Variants in THSD7B observed in about 807,000 individuals in gnomAD.
THSD7B encodes the protein thrombospondin type 1 domain containing 7B.
Under a neutral mutation model 213.6 loss-of-function variants are expected in THSD7B, and 138 were observed. That is an observed-to-expected ratio of 0.65 (90% CI 0.56 to 0.74). The LOEUF is 0.74. Among genes scored for constraint, THSD7B ranks in the 30% least tolerant of loss-of-function variants. The pLI is 0.00. For missense variants in THSD7B, 1,931 were observed against 1,991.5 expected (o/e 0.97, Z 0.58); for synonymous variants, 742 against 687.0 (o/e 1.08, Z -1.25).
rs557725553 is a variant in THSD7B, at chr2:136,960,830, C to T, written c.139+78513C>T. ...CTGGGCCGGGCGCAGTGGCTCAGGC[C>T]TGTAATCCCAGCTCTTAGGGAGGCC... On this transcript the variant is annotated intron_variant, in intron 2 of 27. Coordinates refer to ENST00000409968, the MANE Select transcript of THSD7B (RefSeq NM_001316349.2). Among the ~76,000 whole-genome samples the T allele has an allele frequency of 4.5e-3, 677 of 151,306 alleles. 2 individuals carry two copies. The highest frequency in any genetic ancestry group is 0.013 in the South Asian group (62 of 4,772).
intron 16 of THSD7B, among the ~76,000 whole-genome samples, chr2:137,564,321 T>A (rs931048314): frequency 6.6e-6 from 1 of 152,170 alleles, no homozygotes; most frequent in African/African-American, 2.4e-5. Flanking sequence ...TACTCACTAT[T>A]TATGACAGTC....
chr2:137,055,268 A>G (rs1428750178), intron 2 of THSD7B, among the ~76,000 whole-genome samples: 2 of 152,144 alleles, frequency 1.3e-5, no homozygotes, highest in African/African-American at 4.8e-5. Flanking sequence ...TTATAGTAGA[A>G]TGATTTATAA....
rs550212977 is a variant in THSD7B, at chr2:137,546,124, A to T, written c.3139-17097A>T. Among the ~76,000 whole-genome samples, 15 of 150,296 alleles carry T rather than the reference A, an allele frequency of 1.0e-4. No homozygotes were observed. The East Asian group carries it at 3.0e-3, about 30-fold the overall frequency. The stretch of plus-strand genomic sequence containing the variant: ...GAAATATAAGAAAGACTCTAAATTC[A>T]TTGAGATTTTTACTCTCCAGAACGA... On this transcript the variant is annotated intron_variant, in intron 15 of 27. Transcript: ENST00000409968.
At chr2:137,620,951 G>C (rs1180664489) in intron 20 of THSD7B, among the ~76,000 whole-genome samples, 1 of 152,184 alleles carries the variant, frequency 6.6e-6, no homozygotes, top group Non-Finnish European at 1.5e-5. Context: ...AGAGGCTGAT[G>C]AAACTGTGGG....
intron 17 of THSD7B, among the ~76,000 whole-genome samples, chr2:137,585,482 A>T (rs969909430): frequency 1.3e-5 from 2 of 151,976 alleles, no homozygotes; most frequent in African/African-American, 4.8e-5. Flanking sequence ...ATTTAGTGCT[A>T]TATATTTCCC....
At chr2:137,574,795 G>A (rs4954379) in intron 17 of THSD7B, among the ~76,000 whole-genome samples, 80,391 of 151,908 alleles carry the variant, frequency 0.53, 21,853 homozygotes, top group South Asian at 0.65. Context: ...GACAATCCCA[G>A]TCAGTATTGG....
At chr2:137,668,614 C>T (rs1003731567) in intron 27 of THSD7B, among the ~76,000 whole-genome samples, 2 of 152,034 alleles carry the variant, frequency 1.3e-5, no homozygotes, top group Non-Finnish European at 2.9e-5. Flanking sequence ...GACTGGGGTG[C>T]CTACTCCCCA....
At chr2:136,937,865 T>A (rs1684760790) in intron 2 of THSD7B, among the ~76,000 whole-genome samples, 1 of 152,188 alleles carries the variant, frequency 6.6e-6, no homozygotes, top group Admixed American at 6.6e-5. Context: ...AGTAGAGCAG[T>A]TGCTTGATTT....
intron 1 of THSD7B, among the ~76,000 whole-genome samples, chr2:136,826,435 T>A (rs775102689): frequency 8.1e-4 from 124 of 152,244 alleles, no homozygotes; most frequent in Admixed American, 3.9e-4. Flanking sequence ...CTTGTTCATT[T>A]GTTGATTGTT....
At chr2:137,515,582 G>A (rs1680052370) in intron 15 of THSD7B, among the ~76,000 whole-genome samples, 1 of 152,152 alleles carries the variant, frequency 6.6e-6, no homozygotes, top group Admixed American at 6.5e-5. Context: ...AACAGGAATG[G>A]GAATGGATAT....
intron 2 of THSD7B, among the ~76,000 whole-genome samples, chr2:136,883,341 TA>T (rs3084745): frequency 1.3e-5 from 2 of 149,002 alleles, no homozygotes; most frequent in East Asian, 1.9e-4. Flanking sequence ...GTCTATTAAG[TA>T]AAAAAAAAAC....
chr2:137,339,559 T>C (rs1049951667), intron 12 of THSD7B, among the ~76,000 whole-genome samples: 8 of 151,862 alleles, frequency 5.3e-5, no homozygotes, highest in Non-Finnish European at 8.8e-5. Flanking sequence ...GGTTTGGAGA[T>C]TTGGAACAAC....
chr2:137,333,676 G>A (rs1275966135), intron 12 of THSD7B, among the ~76,000 whole-genome samples: 1 of 152,184 alleles, frequency 6.6e-6, no homozygotes, highest in Admixed American at 6.5e-5. Context: ...TTACGAATTT[G>A]TGTGATTAGT....
At chr2:136,883,591 A>T (rs1683663274) in intron 2 of THSD7B, among the ~76,000 whole-genome samples, 1 of 152,180 alleles carries the variant, frequency 6.6e-6, no homozygotes, top group Non-Finnish European at 1.5e-5. Flanking sequence ...GCACATTTTT[A>T]TGACTACTGT....
intron 20 of THSD7B, among the ~76,000 whole-genome samples, chr2:137,641,619 G>A (rs1034378810): frequency 2.6e-5 from 4 of 152,216 alleles, no homozygotes; most frequent in African/African-American, 9.7e-5. Flanking sequence ...AAGAGAAAGA[G>A]AGAAGCACAA....
rs1467371814 is a variant in THSD7B, at chr2:136,856,807, C to A, written c.-35-25337C>A. ...CTAGGATTACAGACATGAGCCACCA[C>A]ACCCAGCCATGAGCTGGATATTTGA... On this transcript the variant is annotated intron_variant, in intron 1 of 27. Coordinates refer to ENST00000409968, the MANE Select transcript of THSD7B (RefSeq NM_001316349.2). Among the ~76,000 whole-genome samples the A allele has an allele frequency of 2.0e-5, 3 of 152,194 alleles. No homozygotes were observed. The East Asian group carries it at 5.8e-4, about 29-fold the overall frequency.
At chr2:137,038,433 G>A (rs1462564998) in intron 2 of THSD7B, among the ~76,000 whole-genome samples, 4 of 152,128 alleles carry the variant, frequency 2.6e-5, no homozygotes, top group Non-Finnish European at 2.9e-5. Flanking sequence ...TGATGAGCCC[G>A]GCATCCCTTT....
chr2:136,949,551 C>T (rs142993340), intron 2 of THSD7B, among the ~76,000 whole-genome samples: 2,112 of 152,296 alleles, frequency 0.014, 21 homozygotes, highest in Middle Eastern at 0.02. Flanking sequence ...GTGGTTGCTG[C>T]GCTGCCCTGT....
intron 2 of THSD7B, among the ~76,000 whole-genome samples, chr2:136,917,696 G>A (rs1175255528): frequency 6.6e-6 from 1 of 152,192 alleles, no homozygotes. Flanking sequence ...TTAAGGTGCA[G>A]AGTCTATGTA....
Sources: allele counts gnomAD v4.1 joint callset (sites outside exome capture counted in the v4.1 genomes callset), GRCh38; gene constraint gnomAD v4.1.1; transcripts MANE v1.5; gene names NCBI Gene and HGNC (gene_info 2026-07-23, HGNC 2026-07-21).